HIPK3: variants seen among roughly 807,000 people sequenced by gnomAD.
The protein encoded by HIPK3 is homeodomain interacting protein kinase 3, also known as homeodomain-interacting protein kinase 3.
A neutral mutation model predicts 124.2 loss-of-function variants in HIPK3; 47 were observed. The ratio of observed to expected loss-of-function variants is 0.38; its 90% CI spans 0.30 to 0.48. The LOEUF is 0.48. Among genes scored for constraint, HIPK3 ranks in the 20% least tolerant of loss-of-function variants. The probability of loss-of-function intolerance (pLI) is 0.98; values close to 1 mark genes in which losing one functional copy is unlikely to be tolerated. For missense variants in HIPK3, 1,286 were observed against 1,454.3 expected (o/e 0.88, Z 1.88); for synonymous variants, 482 against 515.2 (o/e 0.94, Z 0.87).
At position 33,352,410 on chromosome 11, in the gene HIPK3, G is replaced by T. The variant is rs142806148; in HGVS notation, c.3171+145G>T. On this transcript the variant is annotated intron_variant, in intron 16 of 16. Coordinates refer to ENST00000303296, the MANE Select transcript of HIPK3 (RefSeq NM_005734.5). ...ATCCCAAGTGGCTAAAGAGTAACTG[G>T]CTTAATAATAGGATAATTAAGCAAA... 465 of 819,234 alleles carry T rather than the reference G, an allele frequency of 5.7e-4. 5 individuals carry two copies. The East Asian group carries it at 0.011, about 20-fold the overall frequency. 50.7% of individuals were successfully genotyped at this position (819,234 alleles called of 1,614,324 possible).
At chr11:33,265,199 G>T (rs909203025) in intron 1 of HIPK3, among the ~76,000 whole-genome samples, 1 of 152,190 alleles carries the variant, frequency 6.6e-6, no homozygotes, top group Non-Finnish European at 1.5e-5. Flanking sequence ...ATAACCTATA[G>T]CTATGATGCT....
chr11:33,331,449 C>G (rs1202898802), intron 3 of HIPK3, among the ~76,000 whole-genome samples: 2 of 152,302 alleles, frequency 1.3e-5, no homozygotes, highest in South Asian at 4.1e-4. Flanking sequence ...TCATAGCTCA[C>G]TGCAGTCTTG....
rs1428831622 is a variant in HIPK3 at position 33,337,213 on chromosome 11, G to A, written c.1341+19G>A. On this transcript the variant is annotated intron_variant, in intron 4 of 16. Coordinates refer to ENST00000303296, the MANE Select transcript of HIPK3 (RefSeq NM_005734.5). ...ATTAAAGGTAATTCATTAAAAAATA[G>A]AATATTTAGAAGACTAGTTTTCTAA... 6.9e-7 allele frequency: 1 copy of A among 1,449,490 alleles called. No individual in the cohort carries two copies. Among genetic ancestry groups the A allele is most frequent in the Non-Finnish European group, 9.5e-7 (1 of 1,052,922 alleles). The allele number at this position is 1,449,490 out of a possible 1,614,324, so 89.8% of individuals were successfully genotyped here.
chr11:33,330,910 G>A (rs1388201870), intron 3 of HIPK3, among the ~76,000 whole-genome samples: 1 of 151,006 alleles, frequency 6.6e-6, no homozygotes, highest in Non-Finnish European at 1.5e-5. Flanking sequence ...TTGAGACAGG[G>A]TCTCACTCTG....
Position 33,286,934 on chromosome 11 carries a change from A to T in HIPK3, c.520A>T (p.Asn174Tyr). ...GACAGCTACCACAGGATCAAAACAG[A>T]ATTGTACCACTGGAGAAGGTGACTA... Reference protein sequence around the residue: ...VVTATTGSKQNCTTGEGDYQL... With the variant: ...VVTATTGSKQYCTTGEGDYQL... The change falls in exon 2 of 17, where the codon AAT (asparagine) becomes TAT (tyrosine). Residue 174 changes from asparagine to tyrosine, a missense_variant. Coordinates refer to ENST00000303296, the MANE Select transcript of HIPK3 (RefSeq NM_005734.5). The T allele has an allele frequency of 6.2e-7, 1 of 1,614,210 alleles. No homozygotes were observed.
Position 33,287,454 on chromosome 11 carries a change from C to T in HIPK3, c.1040C>T (p.Ser347Leu), listed in dbSNP as rs760366152. 6.2e-6 allele frequency: 10 copies of T among 1,613,830 alleles called. No individual in the cohort carries two copies. Among genetic ancestry groups the T allele is most frequent in the Non-Finnish European group, 8.5e-6 (10 of 1,179,950 alleles). Residue 347 changes from serine to leucine, a missense_variant, in exon 2 of 17, where the codon TCG becomes TTG. Ser to Leu is a moderately radical substitution (Grantham distance 145). Coordinates refer to ENST00000303296, the MANE Select transcript of HIPK3 (RefSeq NM_005734.5). ...PYRVKVIDFG[S>L]ASHVSKTVCS... ...AGGGTTAAAGTAATAGACTTTGGGT[C>T]GGCCAGTCATGTATCAAAGACTGTT...
At chr11:33,332,041 G>A (rs767333721) in intron 3 of HIPK3, among the ~76,000 whole-genome samples, 4 of 152,108 alleles carry the variant, frequency 2.6e-5, no homozygotes, top group Admixed American at 6.5e-5. Flanking sequence ...TAACAGGCAC[G>A]AGCCACCGCG....
chr11:33,294,163 A>G (rs1257962543), intron 2 of HIPK3, among the ~76,000 whole-genome samples: 1 of 152,112 alleles, frequency 6.6e-6, no homozygotes, highest in Non-Finnish European at 1.5e-5. Context: ...GAAAAAGAAA[A>G]AAAAAAAAAC....
At chr11:33,338,983 C>G (rs1249371103) in intron 5 of HIPK3, 140 bp downstream of exon 5, 2 of 535,586 alleles carry the variant, frequency 3.7e-6, no homozygotes, top group Admixed American at 3.3e-5. Context: ...GAAACTGATT[C>G]TATTTTCAAC....
chr11:33,331,070 A>G (rs1455827973), intron 3 of HIPK3, among the ~76,000 whole-genome samples: 1 of 151,872 alleles, frequency 6.6e-6, no homozygotes, highest in Non-Finnish European at 1.5e-5. Context: ...TTTAGTAGAG[A>G]TGGGGTTTCA....
intron 2 of HIPK3, among the ~76,000 whole-genome samples, chr11:33,292,036 A>T (rs1185185575): frequency 6.6e-6 from 1 of 152,204 alleles, no homozygotes; most frequent in Admixed American, 6.5e-5. Context: ...AAATTAAGCT[A>T]CATAGGAAGA....
intron 1 of HIPK3, among the ~76,000 whole-genome samples, chr11:33,280,264 A>G (rs1287116308): frequency 6.6e-6 from 1 of 152,184 alleles, no homozygotes; most frequent in African/African-American, 2.4e-5. Context: ...AACACAGTAT[A>G]CATTGCAATG....
chr11:33,345,954 C>T (rs1444373408), intron 8 of HIPK3, among the ~76,000 whole-genome samples: 1 of 151,986 alleles, frequency 6.6e-6, no homozygotes, highest in Non-Finnish European at 1.5e-5. Context: ...TTCTCTTATG[C>T]CTGAAGAGAA....
At chr11:33,278,042 A>G (rs1013429601) in intron 1 of HIPK3, among the ~76,000 whole-genome samples, 1 of 152,196 alleles carries the variant, frequency 6.6e-6, no homozygotes, top group Non-Finnish European at 1.5e-5. Context: ...TTGATGAATG[A>G]AAGCTTTAAA....
intron 1 of HIPK3, among the ~76,000 whole-genome samples, chr11:33,281,474 C>CATA (rs1343800647): frequency 2.0e-5 from 3 of 151,992 alleles, no homozygotes; most frequent in Non-Finnish European, 4.4e-5. Flanking sequence ...TTTTTAGATA[C>CATA]ATATGTTTTA....
intron 3 of HIPK3, among the ~76,000 whole-genome samples, chr11:33,334,360 A>T (rs1853075376): frequency 6.6e-6 from 1 of 152,112 alleles, no homozygotes; most frequent in Non-Finnish European, 1.5e-5. Flanking sequence ...GGATTTGGTG[A>T]AAGGGGGAAT....
At position 33,339,393 on chromosome 11, in the gene HIPK3, A is replaced by G. The variant is rs1853262547; in HGVS notation, c.1472A>G (p.Glu491Gly). 1 of 1,613,606 alleles carries G rather than the reference A, an allele frequency of 6.2e-7. No homozygotes were observed. The highest frequency in any genetic ancestry group is 8.5e-7 in the Non-Finnish European group (1 of 1,179,728). The change falls in exon 6 of 17, where the codon GAG (glutamate) becomes GGG (glycine). Residue 491 changes from glutamate (E) to glycine (G), a missense_variant. Around this residue, in one of 3 missense-constraint regions of HIPK3, gnomAD observed 251 missense variants for 349.1 expected, o/e 0.72. Coordinates refer to ENST00000303296, the MANE Select transcript of HIPK3 (RefSeq NM_005734.5). ...MDLEGSDLLA[E>G]KADRREFVSL... ...TTGGAAGGAAGTGATCTTTTGGCTG[A>G]GAAAGCTGATAGAAGAGAATTTGTT...
intron 16 of HIPK3, 27 bp from the exon 17 acceptor site, chr11:33,353,065 T>G (rs777105093): frequency 1.6e-6 from 2 of 1,285,212 alleles, no homozygotes; most frequent in Non-Finnish European, 1.1e-6. Context: ...TGTTATTCAG[T>G]CATTTTTTTT....
intron 2 of HIPK3, among the ~76,000 whole-genome samples, chr11:33,298,691 G>A (rs1415516268): frequency 6.6e-6 from 1 of 152,216 alleles, no homozygotes; most frequent in African/African-American, 2.4e-5. Flanking sequence ...AGGGGTTCAA[G>A]ACTTCAGTCT....
Sources: gnomAD v4.1 joint callset for allele counts (sites outside exome capture counted in the v4.1 genomes callset) on GRCh38, gnomAD v4.1.1 for gene constraint, gnomAD v4.1.1 regional missense constraint, MANE v1.5 for transcripts, NCBI Gene and HGNC (gene_info 2026-07-23, HGNC 2026-07-21) for gene names.